TLK1: variants seen among roughly 807,000 people sequenced by gnomAD.
TLK1 encodes the protein serine/threonine-protein kinase tousled-like 1.
In TLK1, 24 loss-of-function variants were observed where a neutral mutation model predicts 105.3. That is an observed-to-expected ratio of 0.23 (90% confidence interval 0.17 to 0.32). The LOEUF (loss-of-function observed/expected upper bound fraction) is 0.32. Among genes scored for constraint, TLK1 ranks in the 10% least tolerant of loss-of-function variants. The probability of loss-of-function intolerance (pLI) is 1.00; values close to 1 mark genes in which losing one functional copy is unlikely to be tolerated. For missense variants in TLK1, 558 were observed against 910.5 expected, an observed-to-expected ratio of 0.61 and a Z score of 4.98; for synonymous variants, 321 against 310.4, an observed-to-expected ratio of 1.03 and a Z score of -0.36.
chr2:171,044,352 C>A (rs1458325944), intron 11 of TLK1, among the ~76,000 whole-genome samples: 2 of 152,138 alleles, frequency 1.3e-5, no homozygotes, highest in Admixed American at 6.5e-5. Context: ...GGTAGTGCCA[C>A]TCACTAAGAG....
chr2:171,118,409 A>C (rs1027954896), intron 1 of TLK1, among the ~76,000 whole-genome samples: 4 of 152,202 alleles, frequency 2.6e-5, no homozygotes, highest in African/African-American at 9.6e-5. Context: ...AACTAACTAC[A>C]TTTTAAACTA....
chr2:171,203,687 C>CGG (rs2105321436), intron 1 of TLK1, among the ~76,000 whole-genome samples: 1 of 152,126 alleles, frequency 6.6e-6, no homozygotes, highest in Non-Finnish European at 1.5e-5. Context: ...CAGAATATAT[C>CGG]AGAGGAAATT....
At chr2:171,025,313 C>A (rs1300239520) in intron 12 of TLK1, among the ~76,000 whole-genome samples, 1 of 152,154 alleles carries the variant, frequency 6.6e-6, no homozygotes, top group Non-Finnish European at 1.5e-5. Context: ...CATAAATTAT[C>A]CACTTCAAGA....
intron 2 of TLK1, among the ~76,000 whole-genome samples, chr2:171,095,968 G>C (rs1408544973): frequency 1.3e-5 from 2 of 151,900 alleles, no homozygotes; most frequent in Non-Finnish European, 2.9e-5. Context: ...AGACAAGTAA[G>C]CCCATTCTCA....
At chr2:170,996,891 T>A in intron 19 of TLK1, 131 bp from the exon 20 acceptor site, 1 of 741,188 alleles carries the variant, frequency 1.3e-6, no homozygotes, top group Non-Finnish European at 2.1e-6. Context: ...CCTCAGTTAT[T>A]TGAAACCTGA....
chr2:171,197,882 G>A (rs2105318381), intron 1 of TLK1, among the ~76,000 whole-genome samples: 1 of 152,204 alleles, frequency 6.6e-6, no homozygotes, highest in African/African-American at 2.4e-5. Context: ...TTAAAATGTG[G>A]GGTAACTAGG....
At chr2:171,185,914 A>C (rs1192966979) in intron 1 of TLK1, among the ~76,000 whole-genome samples, 4 of 152,260 alleles carry the variant, frequency 2.6e-5, no homozygotes, top group Non-Finnish European at 4.4e-5. Context: ...GAAGTGGTAT[A>C]TCTTATTAAA....
intron 8 of TLK1, among the ~76,000 whole-genome samples, chr2:171,053,391 TCTCA>T (rs997084092): frequency 1.3e-5 from 2 of 151,074 alleles, no homozygotes; most frequent in African/African-American, 4.9e-5. Context: ...TGAGACAGAG[TCTCA>T]CTCTGTCGCC....
At chr2:171,200,598 C>G (rs1031400105) in intron 1 of TLK1, among the ~76,000 whole-genome samples, 1 of 152,046 alleles carries the variant, frequency 6.6e-6, no homozygotes, top group African/African-American at 2.4e-5. Flanking sequence ...CCTGTAATAC[C>G]ATTTGCTCAT....
At chr2:171,206,722 G>A (rs917351318) in intron 1 of TLK1, among the ~76,000 whole-genome samples, 2 of 152,196 alleles carry the variant, frequency 1.3e-5, no homozygotes, top group African/African-American at 2.4e-5. Context: ...TCCCCTTGAC[G>A]TGAGGAAAAC....
At chr2:171,222,417 C>T (rs1464684947) in intron 1 of TLK1, among the ~76,000 whole-genome samples, 2 of 152,108 alleles carry the variant, frequency 1.3e-5, no homozygotes, top group African/African-American at 2.4e-5. Flanking sequence ...GCAGTGTTGA[C>T]ATCCCCAGGC....
chr2:171,031,278 C>A (rs1007574801), intron 11 of TLK1, among the ~76,000 whole-genome samples: 9 of 152,194 alleles, frequency 5.9e-5, no homozygotes, highest in African/African-American at 1.4e-4. Context: ...TTGTATTAAT[C>A]AAAAACGTTT....
rs930357717 is a variant in TLK1, at chr2:171,160,870, C to T, written c.-442G>A. ...GGCGGCGGCGGGCTGTGGGTGGCGG[C>T]TGAGGCGGTGGGGTAACCTCTGCAT... On this transcript the variant is annotated 5_prime_UTR_variant, in exon 1 of 21. Transcript: ENST00000431350. This position sits in a 1 kb window ranked among gnomAD's most constrained non-coding sequence, Gnocchi z 4.4. 2.8e-4 allele frequency: 84 copies of T among 301,356 alleles called. No individual in the cohort carries two copies. Among genetic ancestry groups the T allele is most frequent in the African/African-American group, 1.6e-3 (74 of 45,036 alleles). 18.7% of individuals were successfully genotyped at this position (301,356 alleles called of 1,614,324 possible). A position where few individuals can be genotyped will look rare whatever the true frequency, so the allele number is the denominator to read the frequency against.
chr2:171,125,105 TAACTC>T (rs1331985290), intron 1 of TLK1, among the ~76,000 whole-genome samples: 1 of 152,214 alleles, frequency 6.6e-6, no homozygotes, highest in African/African-American at 2.4e-5. Flanking sequence ...ACAATTTAAT[TAACTC>T]AACATCAGTA....
intron 1 of TLK1, among the ~76,000 whole-genome samples, chr2:171,188,240 T>C (rs1219715148): frequency 6.6e-6 from 1 of 152,162 alleles, no homozygotes; most frequent in African/African-American, 2.4e-5. Context: ...TGTACACACT[T>C]AAAATCTTAT....
intron 2 of TLK1, among the ~76,000 whole-genome samples, chr2:171,112,074 C>T (rs1210616532): frequency 1.3e-5 from 2 of 152,166 alleles, no homozygotes; most frequent in African/African-American, 4.8e-5. Flanking sequence ...GCCTCAGCCT[C>T]CCAAGTAGCT....
intron 1 of TLK1, among the ~76,000 whole-genome samples, chr2:171,122,471 C>G (rs375601500): frequency 1.3e-5 from 2 of 152,264 alleles, no homozygotes; most frequent in African/African-American, 4.8e-5. Context: ...ACACCAGAAT[C>G]TGCATCTTAA....
chr2:171,117,821 C>G lies in TLK1; in HGVS notation c.176G>C (p.Arg59Thr). 6.2e-7 allele frequency: 1 copy of G among 1,613,730 alleles called. No homozygotes were observed. Among genetic ancestry groups the G allele is most frequent in the Non-Finnish European group, 8.5e-7 (1 of 1,179,908 alleles). The change falls in exon 2 of 21, where the codon AGG becomes ACG. Residue 59 changes from arginine to threonine, a missense_variant. By Grantham distance (71) the Arg-to-Thr change is moderately conservative. This residue lies in a region of TLK1 where 104 missense variants were observed against 116.0 expected (regional missense o/e 0.90). Coordinates refer to ENST00000431350, the MANE Select transcript of TLK1 (RefSeq NM_012290.5). ...AAATCTAGCTTCCAATAACTCTTGC[C>G]TTCTTGGATCCAGACTATGAAGCTC... Reference protein sequence around the residue: ...MDELHSLDPRRQELLEARFTG... With the variant: ...MDELHSLDPRTQELLEARFTG...
chr2:171,092,425 A>C (rs1046666227), intron 2 of TLK1, among the ~76,000 whole-genome samples: 3 of 152,342 alleles, frequency 2.0e-5, no homozygotes, highest in African/African-American at 4.8e-5. Context: ...TCTTATCAGC[A>C]CCACCACTAC....
Sources: allele counts gnomAD v4.1 joint callset (sites outside exome capture counted in the v4.1 genomes callset), GRCh38; gene constraint gnomAD v4.1.1; regional missense constraint gnomAD v4.1.1; non-coding constraint Gnocchi (gnomAD v3.1); transcripts MANE v1.5; gene names NCBI Gene and HGNC (gene_info 2026-07-23, HGNC 2026-07-21).